Variants in SLC2A9 observed in about 807,000 individuals in gnomAD.
SLC2A9 encodes the protein solute carrier family 2 member 9, also known as solute carrier family 2, facilitated glucose transporter member 9.
In SLC2A9, 39 loss-of-function variants were observed where a neutral mutation model predicts 50.6. The ratio of observed to expected loss-of-function variants is 0.77; its 90% confidence interval spans 0.60 to 1.01. SLC2A9 has a LOEUF of 1.01. Among genes scored for constraint, SLC2A9 ranks in the 50% least tolerant of loss-of-function variants. The pLI, the probability that SLC2A9 is intolerant of heterozygous loss-of-function variation, is 0.00. For missense variants in SLC2A9, 686 were observed against 677.6 expected, an observed-to-expected ratio of 1.01 and a Z score of -0.14; for synonymous variants, 324 against 276.9, an observed-to-expected ratio of 1.17 and a Z score of -1.69.
At position 10,019,086 on chromosome 4, in the gene SLC2A9, G is replaced by A; in HGVS notation, c.151-13C>T. On this transcript the variant is annotated splice_polypyrimidine_tract_variant and intron_variant, in intron 1 of 11. Coordinates refer to ENST00000264784, the MANE Select transcript of SLC2A9 (RefSeq NM_020041.3). The stretch of plus-strand genomic sequence containing the variant: ...AGCAGGACCAGTCCTGAGGGGAGAG[G>A]AAACCACGTCAGAGCCGGCACCGGG... 1 of 1,550,498 alleles carries A rather than the reference G, an allele frequency of 6.4e-7. No individual in the cohort carries two copies. The highest frequency in any genetic ancestry group is 1.4e-5 in the African/African-American group (1 of 73,156).
At chr4:9,793,401 A>G (rs1720207358) in intron 3 of SLC2A9, among the ~76,000 whole-genome samples, 1 of 152,086 alleles carries the variant, frequency 6.6e-6, no homozygotes, top group Admixed American at 6.5e-5. Flanking sequence ...TGGGGAGAAC[A>G]CTCCTGGTCC....
chr4:10,038,649 A>C (rs16892475), intron 1 of SLC2A9, among the ~76,000 whole-genome samples: 15,938 of 152,172 alleles, frequency 0.1, 1,474 homozygotes, highest in East Asian at 0.46. Flanking sequence ...ATTCAAGGCA[A>C]AAGAACTAAA....
chr4:9,856,758 A>G (rs1050870632), intron 10 of SLC2A9, among the ~76,000 whole-genome samples: 3 of 152,242 alleles, frequency 2.0e-5, no homozygotes, highest in African/African-American at 7.2e-5. Flanking sequence ...TGTGGTACAT[A>G]TACACCATGG....
chr4:9,994,766 G>A (rs1758337529), intron 3 of SLC2A9, among the ~76,000 whole-genome samples: 1 of 151,868 alleles, frequency 6.6e-6, no homozygotes. Context: ...TATTCCATCT[G>A]CATGGGTTCA....
chr4:9,968,655 AG>A (rs1322827319), intron 5 of SLC2A9, among the ~76,000 whole-genome samples: 1 of 152,216 alleles, frequency 6.6e-6, no homozygotes, highest in Non-Finnish European at 1.5e-5. Context: ...CACAGTGTAC[AG>A]TCATAGCCTT....
Position 10,021,444 on chromosome 4 carries a change from C to T in SLC2A9, c.-15G>A. Reference sequence around the variant, plus strand: ...TTCCTTGCCATGGGTCTCAGTGACCCAGCTGATGGCTCAGTCCAGGGACCC... The same window carrying T: ...TTCCTTGCCATGGGTCTCAGTGACCTAGCTGATGGCTCAGTCCAGGGACCC... On this transcript the variant is annotated 5_prime_UTR_variant, in exon 1 of 12. Transcript: ENST00000264784. 6.2e-7 allele frequency: 1 copy of T among 1,614,086 alleles called. No individual in the cohort carries two copies. The highest frequency in any genetic ancestry group is 2.2e-5 in the East Asian group (1 of 44,884).
chr4:9,844,792 T>C (rs909193817), intron 10 of SLC2A9, among the ~76,000 whole-genome samples: 1 of 152,244 alleles, frequency 6.6e-6, no homozygotes, highest in African/African-American at 2.4e-5. Flanking sequence ...CACATGTATC[T>C]ATGGTTCTCA....
intron 10 of SLC2A9, chr4:9,879,323 A>C: frequency 1.0e-6 from 1 of 985,302 alleles, no homozygotes; most frequent in Non-Finnish European, 1.2e-6. Flanking sequence ...AAGAGGGGAA[A>C]TAGCACATGC....
At chr4:9,825,151 C>CACTTT (rs1456003403), downstream of SLC2A9, among the ~76,000 whole-genome samples, 1 of 152,214 alleles carries the variant, frequency 6.6e-6, no homozygotes, top group Non-Finnish European at 1.5e-5. Context: ...AATTCAAGTG[C>CACTTT]ACTTTACTTT....
intron 5 of SLC2A9, among the ~76,000 whole-genome samples, chr4:9,959,470 T>C (rs1266998942): frequency 1.3e-5 from 2 of 151,556 alleles, no homozygotes; most frequent in Non-Finnish European, 2.9e-5. Context: ...ATGGATAATA[T>C]CTAAAGAAAA....
chr4:9,822,907 T>C (rs998025601), downstream of SLC2A9, among the ~76,000 whole-genome samples: 3 of 152,210 alleles, frequency 2.0e-5, no homozygotes, highest in Non-Finnish European at 4.4e-5. Flanking sequence ...TTTCAGTCCA[T>C]GTCCATTGCA....
chr4:9,946,259 T>C (rs1349398388), intron 5 of SLC2A9, among the ~76,000 whole-genome samples: 5 of 152,234 alleles, frequency 3.3e-5, no homozygotes, highest in Non-Finnish European at 7.3e-5. Flanking sequence ...TATTATCTTG[T>C]TCTTTAATCT....
chr4:9,985,610 T>C, intron 4 of SLC2A9, 59 bp downstream of exon 4: 2 of 1,608,978 alleles, frequency 1.2e-6, no homozygotes, highest in South Asian at 1.1e-5. Flanking sequence ...ACTTCTCACA[T>C]TTTGGGACAC....
At chr4:9,870,732 T>G (rs556894338) in intron 10 of SLC2A9, among the ~76,000 whole-genome samples, 1 of 152,072 alleles carries the variant, frequency 6.6e-6, no homozygotes, top group East Asian at 1.9e-4. Flanking sequence ...GACTTTGGAG[T>G]TGGGCAGGCA....
chr4:9,913,953 A>G (rs137993487), intron 7 of SLC2A9, among the ~76,000 whole-genome samples: 11 of 152,134 alleles, frequency 7.2e-5, no homozygotes, highest in Admixed American at 2.6e-4. Context: ...GGGCTTATCT[A>G]TTGTAAATCC....
At chr4:9,809,314 G>T (rs1722542216) in intron 3 of SLC2A9, among the ~76,000 whole-genome samples, 1 of 152,172 alleles carries the variant, frequency 6.6e-6, no homozygotes, top group Non-Finnish European at 1.5e-5. Context: ...TGCGTTGGTT[G>T]CTTGGGGTCA....
intron 8 of SLC2A9, among the ~76,000 whole-genome samples, chr4:9,892,350 A>C (rs189406737): frequency 6.7e-6 from 1 of 149,438 alleles, no homozygotes; most frequent in Non-Finnish European, 1.5e-5. Context: ...GCTGATGACC[A>C]CATGTCTCTA....
At chr4:9,798,814 A>T (rs1720928548), downstream of SLC2A9, 1 of 152,348 alleles carries the variant, frequency 6.6e-6, no homozygotes, top group African/African-American at 2.4e-5. Flanking sequence ...AACGTGTGTG[A>T]TGTTGAGCTA....
chr4:9,929,639 G>A (rs1374683050), intron 6 of SLC2A9, among the ~76,000 whole-genome samples: 1 of 152,230 alleles, frequency 6.6e-6, no homozygotes, highest in Non-Finnish European at 1.5e-5. Flanking sequence ...AGTGGGCAGA[G>A]GGAGGGTGTG....
Sources: allele counts gnomAD v4.1 joint callset (sites outside exome capture counted in the v4.1 genomes callset), GRCh38; gene constraint gnomAD v4.1.1; transcripts MANE v1.5; gene names NCBI Gene and HGNC (gene_info 2026-07-23, HGNC 2026-07-21).